The following SUGCT variants were observed in gnomAD, a reference collection of about 807,000 sequenced individuals.
SUGCT encodes succinyl-CoA:glutarate CoA-transferase.
Under a neutral mutation model 55.0 loss-of-function variants are expected in SUGCT, and 41 were observed. The ratio of observed to expected loss-of-function variants is 0.74; its 90% CI spans 0.58 to 0.97. The LOEUF (loss-of-function observed/expected upper bound fraction) is 0.97. Among genes scored for constraint, SUGCT ranks in the 50% least tolerant of loss-of-function variants. The pLI is 0.00. For synonymous variants in SUGCT, 187 were observed against 200.4 expected (o/e 0.93, Z 0.56); for missense variants, 568 against 547.8 (o/e 1.04, Z -0.37).
chr7:40,250,529 T>C (rs1790297637), intron 7 of SUGCT, among the ~76,000 whole-genome samples: 1 of 152,008 alleles, frequency 6.6e-6, no homozygotes, highest in African/African-American at 2.4e-5. Flanking sequence ...CTAGTGTTAA[T>C]AGTTGGTAAG....
In SUGCT at chr7:40,584,049, T is replaced by C. The variant is rs572706524; in HGVS notation, c.1089+87663T>C. 5.8e-4 allele frequency among the ~76,000 whole-genome samples: 89 copies of C among 152,320 alleles called. No individual in the cohort carries two copies. In the Middle Eastern group the frequency reaches 0.01, roughly 17 times the overall value. ...CCAAGTCAGTTCAGGGTTAAGGCTC[T>C]CTCAGTCAAGAAAAGGTCATACAGT... is the stretch of plus-strand genomic sequence containing the variant. On this transcript the variant is annotated intron_variant, in intron 12 of 13. Transcript: ENST00000335693.
chr7:40,753,229 A>G (rs1338978620), intron 13 of SUGCT, among the ~76,000 whole-genome samples: 1 of 152,192 alleles, frequency 6.6e-6, no homozygotes, highest in African/African-American at 2.4e-5. Context: ...GATTTTATTT[A>G]CCTATGATAG....
At chr7:40,320,710 C>T (rs754058900) in intron 9 of SUGCT, among the ~76,000 whole-genome samples, 11 of 152,214 alleles carry the variant, frequency 7.2e-5, no homozygotes, top group African/African-American at 1.9e-4. Context: ...TCTCCAATAT[C>T]GTAGAAGATC....
In SUGCT at chr7:40,320,111, TTTG is replaced by T. The variant is rs201571726; in HGVS notation, c.816+3259_816+3261del. On this transcript the variant is annotated intron_variant, in intron 9 of 13. Transcript: ENST00000335693. ...ATAGTTACATAATATTTGTTAATTT[TTTG>T]TTTTTTTTTTGAGATAGAGTCTCGC... Among the ~76,000 whole-genome samples, 215 of 99,558 alleles carry T rather than the reference TTTG, an allele frequency of 2.2e-3. 4 individuals are homozygous for T. Among genetic ancestry groups the T allele is most frequent in the Middle Eastern group, 4.8e-3 (1 of 208 alleles). The allele number at this position is 99,558 out of a possible 152,430, so 65.3% of individuals were successfully genotyped here. A position where few individuals can be genotyped will look rare whatever the true frequency, so the allele number is the denominator to read the frequency against.
intron 13 of SUGCT, among the ~76,000 whole-genome samples, chr7:40,786,341 T>C (rs1318249967): frequency 6.6e-6 from 1 of 152,196 alleles, no homozygotes; most frequent in Admixed American, 6.5e-5. Context: ...CTATAAGATA[T>C]GTGTTATAGG....
At chr7:40,238,169 G>A (rs1204728716) in intron 7 of SUGCT, among the ~76,000 whole-genome samples, 1 of 152,120 alleles carries the variant, frequency 6.6e-6, no homozygotes, top group Non-Finnish European at 1.5e-5. Context: ...ATAGCAGAGG[G>A]TCTATTTTTC....
intron 13 of SUGCT, among the ~76,000 whole-genome samples, chr7:40,750,280 C>A (rs570387593): frequency 5.3e-4 from 81 of 152,314 alleles, no homozygotes; most frequent in African/African-American, 1.9e-3. Flanking sequence ...CTGGAAAATC[C>A]ACATTCCAGC....
At chr7:40,187,702 A>T (rs1785606205) in intron 3 of SUGCT, among the ~76,000 whole-genome samples, 2 of 152,310 alleles carry the variant, frequency 1.3e-5, no homozygotes, top group Non-Finnish European at 2.9e-5. Context: ...CGGCTGGGTC[A>T]CTTGAAGTCA....
intron 6 of SUGCT, among the ~76,000 whole-genome samples, chr7:40,216,308 C>T (rs2150808834): frequency 6.6e-6 from 1 of 151,764 alleles, no homozygotes; most frequent in Admixed American, 6.6e-5. Flanking sequence ...TCAAGACCAG[C>T]CTGGCCAACA....
intron 13 of SUGCT, among the ~76,000 whole-genome samples, chr7:40,807,599 C>G (rs1791173121): frequency 6.6e-6 from 1 of 152,158 alleles, no homozygotes. Flanking sequence ...AGGCTCAGAA[C>G]CATGATGAGG....
At chr7:40,184,939 T>G (rs902842957) in intron 3 of SUGCT, among the ~76,000 whole-genome samples, 2 of 152,228 alleles carry the variant, frequency 1.3e-5, no homozygotes, top group African/African-American at 4.8e-5. Flanking sequence ...ATTCAATTTC[T>G]TGTTAAGTAG....
chr7:40,792,924 T>C (rs1012297372), intron 13 of SUGCT, among the ~76,000 whole-genome samples: 1 of 152,146 alleles, frequency 6.6e-6, no homozygotes, highest in African/African-American at 2.4e-5. Flanking sequence ...CAAATTCCTG[T>C]GCTGGAGATT....
chr7:40,960,453 G>A, the SUGCT span, among the ~76,000 whole-genome samples: 1 of 152,096 alleles, frequency 6.6e-6, no homozygotes, highest in Admixed American at 6.5e-5. Context: ...GCCATTAGAA[G>A]TATTCTCCAT....
At chr7:40,824,831 A>C (rs929239609) in intron 13 of SUGCT, among the ~76,000 whole-genome samples, 5 of 152,224 alleles carry the variant, frequency 3.3e-5, no homozygotes, top group Non-Finnish European at 5.9e-5. Flanking sequence ...TACTCCTGAT[A>C]ACTGGCATTA....
At chr7:40,338,341 G>C (rs2151168868) in intron 9 of SUGCT, among the ~76,000 whole-genome samples, 1 of 152,306 alleles carries the variant, frequency 6.6e-6, no homozygotes, top group Admixed American at 6.5e-5. Context: ...CCTGCAGAGT[G>C]TTTTCCAACT....
intron 13 of SUGCT, among the ~76,000 whole-genome samples, chr7:40,818,279 A>G (rs1382056418): frequency 6.6e-6 from 1 of 152,210 alleles, no homozygotes; most frequent in Non-Finnish European, 1.5e-5. Flanking sequence ...CTTCCATATT[A>G]CCATCTCTAG....
intron 12 of SUGCT, among the ~76,000 whole-genome samples, chr7:40,584,768 G>A (rs1319272789): frequency 6.6e-6 from 1 of 152,178 alleles, no homozygotes; most frequent in Non-Finnish European, 1.5e-5. Context: ...AGTAACATAA[G>A]GCTCCACTGT....
chr7:40,613,768 G>A (rs1212600066), intron 12 of SUGCT, among the ~76,000 whole-genome samples: 3 of 152,002 alleles, frequency 2.0e-5, no homozygotes, highest in Non-Finnish European at 4.4e-5. Flanking sequence ...CTGCCACCAC[G>A]CCCAGCTAAT....
chr7:40,254,076 C>T (rs1790631667), intron 7 of SUGCT, among the ~76,000 whole-genome samples: 1 of 152,178 alleles, frequency 6.6e-6, no homozygotes, highest in African/African-American at 2.4e-5. Flanking sequence ...AAAGTTATAT[C>T]ACTAGGTGGT....
Sources: allele counts gnomAD v4.1 joint callset (sites outside exome capture counted in the v4.1 genomes callset), GRCh38; gene constraint gnomAD v4.1.1; transcripts MANE v1.5; gene names NCBI Gene and HGNC (gene_info 2026-07-23, HGNC 2026-07-21).